Variants in PBX1 observed in about 807,000 individuals in gnomAD.
PBX1 encodes the protein pre-B-cell leukemia transcription factor 1.
A neutral mutation model predicts 53.4 loss-of-function variants in PBX1; 6 were observed. The ratio of observed to expected loss-of-function variants is 0.11; its 90% CI spans 0.06 to 0.22. PBX1 has a LOEUF of 0.22. Among genes scored for constraint, PBX1 ranks in the 10% least tolerant of loss-of-function variants. The pLI, the probability that PBX1 is intolerant of heterozygous loss-of-function variation, is 1.00. For synonymous variants in PBX1, 204 were observed against 212.3 expected (o/e 0.96, Z 0.34); for missense variants, 251 against 551.4 (o/e 0.46, Z 5.46).
chr1:164,694,172 A>G (rs1258829527), intron 2 of PBX1, among the ~76,000 whole-genome samples: 3 of 152,062 alleles, frequency 2.0e-5, no homozygotes, highest in Non-Finnish European at 4.4e-5. Context: ...TCCTTATTCT[A>G]CACTCTTGCT....
chr1:164,849,151 G>C lies in PBX1; in HGVS notation c.*2475G>C. The C allele has an allele frequency of 7.2e-7, 1 of 1,391,264 alleles. No homozygotes were observed. Among genetic ancestry groups the C allele is most frequent in the Non-Finnish European group, 9.3e-7 (1 of 1,072,916 alleles). The allele number at this position is 1,391,264 out of a possible 1,614,324, so 86.2% of individuals were successfully genotyped here. ...CAAAGTACGAAAGAGAGACAAAAGG[G>C]TTCTCTTGGAAACAAGAAGAGTGAC... On this transcript the variant is annotated 3_prime_UTR_variant, in exon 9 of 9. Transcript: ENST00000420696.
intron 2 of PBX1, among the ~76,000 whole-genome samples, chr1:164,602,521 A>C (rs777845468): frequency 2.0e-5 from 3 of 152,062 alleles, no homozygotes; most frequent in African/African-American, 7.2e-5. Flanking sequence ...TTAGCTATAC[A>C]TGTTTCCACC....
chr1:164,684,242 T>A (rs115159044), intron 2 of PBX1: 1 of 152,260 alleles, frequency 6.6e-6, no homozygotes, highest in Non-Finnish European at 1.5e-5. Flanking sequence ...GTTTGCATTT[T>A]GTAGGTATAT....
chr1:164,883,622 G>C (rs553068974), intron 2 of PBX1, among the ~76,000 whole-genome samples: 1 of 152,028 alleles, frequency 6.6e-6, no homozygotes, highest in South Asian at 2.1e-4. Context: ...TGCCAAATTT[G>C]AGTTCAGAAA....
chr1:164,724,976 G>C (rs531094575), intron 2 of PBX1, among the ~76,000 whole-genome samples: 1 of 152,034 alleles, frequency 6.6e-6, no homozygotes, highest in African/African-American at 2.4e-5. Flanking sequence ...GCCTATACAG[G>C]TGGGTCCTTT....
intron 2 of PBX1, among the ~76,000 whole-genome samples, chr1:164,621,572 A>G (rs1657681283): frequency 2.0e-5 from 3 of 152,268 alleles, no homozygotes; most frequent in South Asian, 2.1e-4. Flanking sequence ...TGCCCATTTC[A>G]TAAGCCACAC....
intron 2 of PBX1, among the ~76,000 whole-genome samples, chr1:164,778,756 G>A (rs1367794386): frequency 1.3e-5 from 2 of 152,200 alleles, no homozygotes; most frequent in Admixed American, 6.5e-5. Context: ...TTCTGCAAAA[G>A]GCAGCATGAA....
chr1:164,778,506 G>A lies in PBX1; in HGVS notation c.266-13988G>A, dbSNP rs1051446056. 3.9e-5 allele frequency among the ~76,000 whole-genome samples: 6 copies of A among 152,040 alleles called. No individual in the cohort carries two copies. In the East Asian group the frequency reaches 5.8e-4, roughly 15 times the overall value. On this transcript the variant is annotated intron_variant, in intron 2 of 8. Coordinates refer to ENST00000420696, the MANE Select transcript of PBX1 (RefSeq NM_002585.4). ...AGAAAAAGTAGCCGGGCGTGGTAGT[G>A]TGTGCCTGTAGTCCCAGCTACTTGG...
intron 2 of PBX1, among the ~76,000 whole-genome samples, chr1:164,599,425 C>T (rs574235421): frequency 6.6e-6 from 1 of 150,852 alleles, no homozygotes; most frequent in South Asian, 2.2e-4. Context: ...CGCATATTTA[C>T]CTTGTTATTT....
intron 5 of PBX1, 120 bp from the exon 6 acceptor site, chr1:164,811,870 A>T: frequency 1.6e-5 from 4 of 253,184 alleles, no homozygotes; most frequent in Non-Finnish European, 2.4e-5. Context: ...TTGCCAAATT[A>T]TTATAGGATA....
At chr1:164,862,256 C>T (rs903705043) in intron 2 of PBX1, among the ~76,000 whole-genome samples, 3 of 152,278 alleles carry the variant, frequency 2.0e-5, no homozygotes, top group East Asian at 3.9e-4. Flanking sequence ...TTTGCACACA[C>T]GATTTCTCCT....
intron 2 of PBX1, among the ~76,000 whole-genome samples, chr1:164,614,877 G>A (rs1490189833): frequency 3.3e-5 from 5 of 152,052 alleles, no homozygotes; most frequent in African/African-American, 9.7e-5. Context: ...GGGTTCAAGC[G>A]ATTCTCTTGC....
intron 2 of PBX1, among the ~76,000 whole-genome samples, chr1:164,568,671 A>T (rs1451087324): frequency 1.3e-5 from 2 of 152,200 alleles, no homozygotes; most frequent in Non-Finnish European, 2.9e-5. Context: ...TTCACAGGAT[A>T]TCACTGCATT....
rs535015409 is a variant in PBX1, at chr1:164,748,223, G to C, written c.266-44271G>C. 2.6e-5 allele frequency among the ~76,000 whole-genome samples: 4 copies of C among 152,250 alleles called. 1 individual carries two copies. Among genetic ancestry groups the C allele is most frequent in the African/African-American group, 9.6e-5 (4 of 41,562 alleles). On this transcript the variant is annotated intron_variant, in intron 2 of 8. Transcript: ENST00000420696. ...GAAAGATCATGTCACACCATAAATA[G>C]TAATTGTACAATACAAAAGGTGTGT...
intron 2 of PBX1, among the ~76,000 whole-genome samples, chr1:164,716,685 T>TACACACACACACACACACACAC (rs375539653): frequency 0.01 from 1,176 of 115,772 alleles, 17 homozygotes; most frequent in South Asian, 0.018. Context: ...ATGTCATCTC[T>TACACACACACACACACACACAC]ACACACACAC....
chr1:164,747,328 TA>T (rs1434237878), intron 2 of PBX1, among the ~76,000 whole-genome samples: 1 of 151,884 alleles, frequency 6.6e-6, no homozygotes, highest in African/African-American at 2.4e-5. Context: ...TGTATATATA[TA>T]TATATACACA....
chr1:164,885,482 C>T (rs1672756370), intron 2 of PBX1, among the ~76,000 whole-genome samples: 1 of 152,180 alleles, frequency 6.6e-6, no homozygotes, highest in African/African-American at 2.4e-5. Context: ...TTGCTTCATG[C>T]TTCTAGGCTT....
intron 2 of PBX1, among the ~76,000 whole-genome samples, chr1:164,727,244 A>G (rs1664746463): frequency 6.6e-6 from 1 of 152,212 alleles, no homozygotes; most frequent in Admixed American, 6.5e-5. Context: ...TGTGCCCTTA[A>G]TATCTGCCTT....
At chr1:164,602,381 G>T (rs1270515694) in intron 2 of PBX1, among the ~76,000 whole-genome samples, 2 of 152,082 alleles carry the variant, frequency 1.3e-5, no homozygotes, top group African/African-American at 4.8e-5. Flanking sequence ...TTTGAATCTG[G>T]TCTCTACTTA....
Sources: gnomAD v4.1 joint callset for allele counts (sites outside exome capture counted in the v4.1 genomes callset) on GRCh38, gnomAD v4.1.1 for gene constraint, MANE v1.5 for transcripts, NCBI Gene and HGNC (gene_info 2026-07-23, HGNC 2026-07-21) for gene names.